Variants in FAM135B observed in about 807,000 individuals in gnomAD.
FAM135B encodes the protein family with sequence similarity 135 member B, also known as protein FAM135B.
FAM135B carries 43 observed loss-of-function variants against 127.7 expected under a neutral mutation model. The ratio of observed to expected loss-of-function variants is 0.34; its 90% CI spans 0.26 to 0.43. FAM135B has a LOEUF of 0.43. Ranked by LOEUF, FAM135B falls within the 20% of genes least tolerant of loss-of-function variation. FAM135B has a pLI of 1.00. For synonymous variants in FAM135B, 670 were observed against 665.1 expected (o/e 1.01, Z -0.11); for missense variants, 1,558 against 1,725.6 (o/e 0.90, Z 1.72).
intron 7 of FAM135B, among the ~76,000 whole-genome samples, chr8:138,213,113 T>C (rs1262763257): frequency 6.6e-6 from 1 of 152,166 alleles, no homozygotes; most frequent in Non-Finnish European, 1.5e-5. Context: ...TTGTAAATTG[T>C]AAACTCTGAG....
chr8:138,352,643 T>C (rs1829853327), intron 2 of FAM135B, among the ~76,000 whole-genome samples: 1 of 152,196 alleles, frequency 6.6e-6, no homozygotes, highest in African/African-American at 2.4e-5. Context: ...AAATCCCATT[T>C]TGGCATCCAT....
intron 7 of FAM135B, among the ~76,000 whole-genome samples, chr8:138,239,826 A>T (rs180877349): frequency 6.6e-6 from 1 of 152,218 alleles, no homozygotes; most frequent in Admixed American, 6.5e-5. Context: ...GCCATAAAAA[A>T]GGATGAGTTC....
At chr8:138,164,042 T>C (rs1819667193) in intron 12 of FAM135B, among the ~76,000 whole-genome samples, 2 of 152,220 alleles carry the variant, frequency 1.3e-5, no homozygotes, top group South Asian at 4.1e-4. Flanking sequence ...TTCCCTTTTT[T>C]CCTTACACTA....
intron 7 of FAM135B, among the ~76,000 whole-genome samples, chr8:138,220,090 CGT>C (rs1818911238): frequency 2.0e-5 from 3 of 151,754 alleles, no homozygotes; most frequent in Non-Finnish European, 4.4e-5. Context: ...CACACACACA[CGT>C]GCTCATGTGC....
At chr8:138,383,904 T>C (rs1832025919) in intron 1 of FAM135B, among the ~76,000 whole-genome samples, 1 of 152,228 alleles carries the variant, frequency 6.6e-6, no homozygotes. Flanking sequence ...GTGCCCATTG[T>C]CCTGGCACCT....
At chr8:138,450,624 T>C (rs1344943854) in intron 1 of FAM135B, 1 of 152,184 alleles carries the variant, frequency 6.6e-6, no homozygotes, top group Non-Finnish European at 1.5e-5. Flanking sequence ...TTTCATATGG[T>C]TATTTGCCAT....
At chr8:138,329,934 G>C (rs1277467440) in intron 2 of FAM135B, among the ~76,000 whole-genome samples, 1 of 152,162 alleles carries the variant, frequency 6.6e-6, no homozygotes, top group Admixed American at 6.5e-5. Context: ...GAGTCCCAAT[G>C]TTTAAGAAAA....
At chr8:138,226,150 CGTGTGTGTGT>C (rs72185111) in intron 7 of FAM135B, among the ~76,000 whole-genome samples, 4 of 133,522 alleles carry the variant, frequency 3.0e-5, no homozygotes, top group South Asian at 2.5e-4. Context: ...GGGGACCCAC[CGTGTGTGTGT>C]GTGTGTGTGT....
chr8:138,302,872 T>C (rs148011200), intron 3 of FAM135B, among the ~76,000 whole-genome samples: 1,537 of 152,356 alleles, frequency 0.01, 27 homozygotes, highest in African/African-American at 0.034. Flanking sequence ...GCTGGGTAAG[T>C]ATCTTAACAG....
chr8:138,474,013 T>A (rs979023525), intron 1 of FAM135B, among the ~76,000 whole-genome samples: 1 of 152,198 alleles, frequency 6.6e-6, no homozygotes, highest in African/African-American at 2.4e-5. Context: ...CAGCATTCCA[T>A]CTTTCATTTG....
chr8:138,303,404 G>T (rs1239752639), intron 3 of FAM135B, among the ~76,000 whole-genome samples: 6 of 152,048 alleles, frequency 3.9e-5, no homozygotes, highest in Non-Finnish European at 8.8e-5. Context: ...ATGGACACAG[G>T]GAGGGGAGCA....
chr8:138,249,636 A>G (rs1218131472), intron 6 of FAM135B, among the ~76,000 whole-genome samples: 3 of 152,158 alleles, frequency 2.0e-5, no homozygotes, highest in African/African-American at 4.8e-5. Context: ...GTCACGTGGC[A>G]TGGGTCAGAT....
chr8:138,489,091 C>T (rs1374220561), intron 1 of FAM135B, among the ~76,000 whole-genome samples: 5 of 152,208 alleles, frequency 3.3e-5, no homozygotes, highest in African/African-American at 9.7e-5. Context: ...TTATCATCTA[C>T]GTGCTGAGGA....
intron 1 of FAM135B, among the ~76,000 whole-genome samples, chr8:138,488,987 C>T (rs959012887): frequency 6.6e-6 from 1 of 152,084 alleles, no homozygotes; most frequent in Non-Finnish European, 1.5e-5. Flanking sequence ...TTTGAATGAG[C>T]AGTAGTGTAG....
intron 1 of FAM135B, among the ~76,000 whole-genome samples, chr8:138,433,036 G>A (rs568735023): frequency 6.6e-6 from 1 of 151,984 alleles, no homozygotes; most frequent in Admixed American, 6.6e-5. Context: ...AGAGGCAGGA[G>A]AGCAGTCCAC....
Position 138,496,791 on chromosome 8 carries a change from T to C in FAM135B, c.-140A>G, listed in dbSNP as rs1222330030. On this transcript the variant is annotated 5_prime_UTR_variant, in exon 1 of 20. Transcript: ENST00000395297. ...GCGGCGGCGGCGGCGGCGGGCGGACTGGGGAGTCCGCAGCACCTGCGAGCT... is the reference window on the plus strand; with the variant it reads ...GCGGCGGCGGCGGCGGCGGGCGGACCGGGGAGTCCGCAGCACCTGCGAGCT... 2.0e-5 allele frequency: 3 copies of C among 152,218 alleles called. No individual in the cohort carries two copies. The highest frequency in any genetic ancestry group is 4.4e-5 in the Non-Finnish European group (3 of 68,700). The allele number at this position is 152,218 out of a possible 1,614,324, so 9.4% of individuals were successfully genotyped here.
chr8:138,286,305 T>G (rs1824680722), intron 3 of FAM135B, among the ~76,000 whole-genome samples: 1 of 152,218 alleles, frequency 6.6e-6, no homozygotes, highest in Non-Finnish European at 1.5e-5. Context: ...CCATGGCTCT[T>G]GGACCCCTGG....
intron 1 of FAM135B, among the ~76,000 whole-genome samples, chr8:138,485,132 C>T (rs1814936040): frequency 6.6e-6 from 1 of 152,174 alleles, no homozygotes; most frequent in African/African-American, 2.4e-5. Flanking sequence ...TTAGTAATTT[C>T]TGATGTAATC....
intron 3 of FAM135B, among the ~76,000 whole-genome samples, chr8:138,275,141 T>C (rs544472755): frequency 6.6e-5 from 10 of 152,252 alleles, no homozygotes; most frequent in Admixed American, 2.0e-4. Context: ...AAGTATTAAT[T>C]TGGAGAACTA....
Sources: gnomAD v4.1 joint callset for allele counts (sites outside exome capture counted in the v4.1 genomes callset) on GRCh38, gnomAD v4.1.1 for gene constraint, MANE v1.5 for transcripts, NCBI Gene and HGNC (gene_info 2026-07-23, HGNC 2026-07-21) for gene names.